The following AUTS2 variants were observed in gnomAD, a reference collection of about 807,000 sequenced individuals.
AUTS2 encodes the protein autism susceptibility gene 2 protein.
A neutral mutation model predicts 112.4 loss-of-function variants in AUTS2; 17 were observed. The observed-to-expected ratio is 0.15, with a 90% confidence interval of 0.10 to 0.23. The LOEUF (loss-of-function observed/expected upper bound fraction) is 0.23, where lower values mean the gene tolerates loss of function less well. AUTS2 is among the 10% of genes least tolerant of loss of function. The pLI is 1.00. For missense variants in AUTS2, 1,510 were observed against 1,701.6 expected (o/e 0.89, Z 1.98); for synonymous variants, 751 against 702.7 (o/e 1.07, Z -1.09).
rs139374828 is a variant in AUTS2, at chr7:69,955,845, A to G, written c.522+56347A>G. Among the ~76,000 whole-genome samples the G allele has an allele frequency of 4.5e-4, 69 of 152,232 alleles. 1 individual carries two copies. The East Asian group carries it at 0.013, about 29-fold the overall frequency. The stretch of plus-strand genomic sequence containing the variant: ...ACACATTCAGGTGCATCTGCCATAC[A>G]GTGTCATTTTAAGGGTATGCTCAAG... On this transcript the variant is annotated intron_variant, in intron 2 of 18. Transcript: ENST00000342771.
chr7:70,097,776 C>G (rs149922824), intron 2 of AUTS2, among the ~76,000 whole-genome samples: 173 of 152,350 alleles, frequency 1.1e-3, no homozygotes, highest in Non-Finnish European at 1.7e-3. Context: ...CAAGGTCACA[C>G]TCTAGTCCAC....
chr7:70,374,055 A>G (rs1397504149), intron 4 of AUTS2, among the ~76,000 whole-genome samples: 5 of 152,116 alleles, frequency 3.3e-5, no homozygotes, highest in African/African-American at 1.2e-4. Flanking sequence ...ATTTTTATCC[A>G]TTTTAGACAG....
intron 4 of AUTS2, among the ~76,000 whole-genome samples, chr7:70,224,087 G>A (rs894991898): frequency 7.9e-5 from 12 of 152,092 alleles, no homozygotes; most frequent in African/African-American, 2.9e-4. Context: ...GGCTGAGGCA[G>A]GTGGATCACT....
intron 5 of AUTS2, among the ~76,000 whole-genome samples, chr7:70,444,144 C>T (rs1562960202): frequency 6.6e-6 from 1 of 152,060 alleles, no homozygotes; most frequent in Admixed American, 6.6e-5. Flanking sequence ...GACCATGAGC[C>T]CTGAGCCACC....
intron 1 of AUTS2, among the ~76,000 whole-genome samples, chr7:69,691,935 C>T (rs1217646914): frequency 2.6e-5 from 4 of 152,132 alleles, no homozygotes; most frequent in Admixed American, 6.5e-5. Context: ...TGGATCTGAG[C>T]CAAGTAGACT....
intron 1 of AUTS2, among the ~76,000 whole-genome samples, chr7:69,696,840 CAGAG>C (rs1797583448): frequency 6.6e-6 from 1 of 152,076 alleles, no homozygotes; most frequent in Admixed American, 6.5e-5. Context: ...TTGCTGTGAG[CAGAG>C]AGAAACAGAT....
At chr7:70,358,100 C>T (rs768482128) in intron 4 of AUTS2, among the ~76,000 whole-genome samples, 7 of 152,142 alleles carry the variant, frequency 4.6e-5, no homozygotes, top group African/African-American at 1.2e-4. Flanking sequence ...TTTTGGACAA[C>T]GTTACATCTG....
At chr7:70,261,177 C>T (rs921558496) in intron 4 of AUTS2, among the ~76,000 whole-genome samples, 1 of 152,180 alleles carries the variant, frequency 6.6e-6, no homozygotes, top group Admixed American at 6.5e-5. Flanking sequence ...TTCCTAACAA[C>T]ATGGATGAAT....
intron 4 of AUTS2, among the ~76,000 whole-genome samples, chr7:70,363,015 A>G (rs1476746008): frequency 2.0e-5 from 3 of 152,234 alleles, no homozygotes; most frequent in African/African-American, 4.8e-5. Context: ...AGTCTTTGTG[A>G]TAAATATTCT....
intron 6 of AUTS2, among the ~76,000 whole-genome samples, chr7:70,743,962 A>G (rs973988278): frequency 6.6e-6 from 1 of 152,072 alleles, no homozygotes; most frequent in Non-Finnish European, 1.5e-5. Flanking sequence ...TAAAGTGTGG[A>G]TGGAGGGGTA....
chr7:70,141,950 A>G (rs10235781), intron 4 of AUTS2, among the ~76,000 whole-genome samples: 45,775 of 152,104 alleles, frequency 0.3, 7,188 homozygotes, highest in African/African-American at 0.38. Flanking sequence ...GTTTAACTTC[A>G]GCTTCCTCAT....
intron 4 of AUTS2, among the ~76,000 whole-genome samples, chr7:70,352,702 A>G (rs1191958011): frequency 6.6e-6 from 1 of 152,198 alleles, no homozygotes; most frequent in Non-Finnish European, 1.5e-5. Context: ...GAAACAAATG[A>G]GATAAGCACA....
intron 2 of AUTS2, among the ~76,000 whole-genome samples, chr7:70,106,297 A>G (rs1804763790): frequency 6.6e-6 from 1 of 152,196 alleles, no homozygotes; most frequent in African/African-American, 2.4e-5. Flanking sequence ...CGTCCTTGTC[A>G]TGGTGCTCCA....
At chr7:70,543,129 T>C (rs962824600) in intron 5 of AUTS2, among the ~76,000 whole-genome samples, 1 of 152,124 alleles carries the variant, frequency 6.6e-6, no homozygotes, top group Non-Finnish European at 1.5e-5. Flanking sequence ...CTGAGCAGGA[T>C]GACAGGATTG....
At chr7:70,183,968 A>T (rs534053675) in intron 4 of AUTS2, among the ~76,000 whole-genome samples, 2 of 152,232 alleles carry the variant, frequency 1.3e-5, no homozygotes, top group African/African-American at 2.4e-5. Flanking sequence ...TTAATAGAAC[A>T]TATAATTCAG....
intron 1 of AUTS2, among the ~76,000 whole-genome samples, chr7:69,812,564 G>T (rs1790588370): frequency 6.6e-6 from 1 of 152,174 alleles, no homozygotes; most frequent in Non-Finnish European, 1.5e-5. Context: ...CTATTATTCT[G>T]AATGCTGGGT....
At chr7:69,618,740 C>G (rs1343294314) in intron 1 of AUTS2, among the ~76,000 whole-genome samples, 1 of 152,024 alleles carries the variant, frequency 6.6e-6, no homozygotes, top group African/African-American at 2.4e-5. Flanking sequence ...CATAACATAG[C>G]CAACACCCAT....
intron 1 of AUTS2, among the ~76,000 whole-genome samples, chr7:69,641,036 G>GA (rs1160272157): frequency 6.6e-6 from 1 of 152,214 alleles, no homozygotes; most frequent in African/African-American, 2.4e-5. Flanking sequence ...TACGGAAGTT[G>GA]AATGGTAGCA....
At chr7:70,000,896 CT>C (rs1799161751) in intron 2 of AUTS2, among the ~76,000 whole-genome samples, 1 of 152,020 alleles carries the variant, frequency 6.6e-6, no homozygotes, top group African/African-American at 2.4e-5. Context: ...TAATGACTGA[CT>C]GTATGCCCAT....
Sources: gnomAD v4.1 joint callset for allele counts (sites outside exome capture counted in the v4.1 genomes callset) on GRCh38, gnomAD v4.1.1 for gene constraint, MANE v1.5 for transcripts, NCBI Gene and HGNC (gene_info 2026-07-23, HGNC 2026-07-21) for gene names.